The following PTPRN2 variants were observed in gnomAD, a reference collection of about 807,000 sequenced individuals.
PTPRN2 encodes the protein receptor-type tyrosine-protein phosphatase N2.
Under a neutral mutation model 118.8 loss-of-function variants are expected in PTPRN2, and 74 were observed. The observed-to-expected ratio is 0.62, with a 90% CI of 0.52 to 0.76. The LOEUF (loss-of-function observed/expected upper bound fraction) is 0.76. Ranked by LOEUF, PTPRN2 falls within the 30% of genes least tolerant of loss-of-function variation. The pLI, the probability that PTPRN2 is intolerant of heterozygous loss-of-function variation, is 0.00. For synonymous variants in PTPRN2, 641 were observed against 608.0 expected (o/e 1.05, Z -0.80); for missense variants, 1,481 against 1,394.4 (o/e 1.06, Z -0.99).
At chr7:158,333,844 G>C (rs560677805) in intron 2 of PTPRN2, among the ~76,000 whole-genome samples, 1 of 127,610 alleles carries the variant, frequency 7.8e-6, no homozygotes, top group Admixed American at 8.1e-5. Flanking sequence ...TCTCACCATA[G>C]AGCTGACACC....
intron 2 of PTPRN2, among the ~76,000 whole-genome samples, chr7:158,340,464 C>A (rs1373453321): frequency 1.8e-5 from 2 of 111,352 alleles, no homozygotes; most frequent in Non-Finnish European, 3.9e-5. Context: ...AGACGTCACT[C>A]ACATCCACAC....
chr7:158,133,145 G>A (rs71543641), intron 9 of PTPRN2, among the ~76,000 whole-genome samples: 1 of 152,218 alleles, frequency 6.6e-6, no homozygotes, highest in Non-Finnish European at 1.5e-5. Context: ...TCCTTCTGAA[G>A]GGCGCCCACG....
chr7:157,634,903 C>T (rs193180367), intron 14 of PTPRN2, among the ~76,000 whole-genome samples: 3 of 152,276 alleles, frequency 2.0e-5, no homozygotes, highest in East Asian at 1.9e-4. Context: ...CCTTGGACAC[C>T]GCGTGTGGGA....
At chr7:158,501,393 G>T (rs1822348728) in intron 1 of PTPRN2, among the ~76,000 whole-genome samples, 1 of 152,238 alleles carries the variant, frequency 6.6e-6, no homozygotes, top group African/African-American at 2.4e-5. Context: ...GGAGGCCCCA[G>T]TGCTCGCATT....
intron 2 of PTPRN2, among the ~76,000 whole-genome samples, chr7:158,345,318 T>C (rs192300560): frequency 3.3e-3 from 500 of 152,330 alleles, no homozygotes; most frequent in Non-Finnish European, 5.3e-3. Context: ...TTGGGTTTTG[T>C]CTTAATTTGG....
At chr7:158,330,997 G>A (rs1586298216) in intron 2 of PTPRN2, among the ~76,000 whole-genome samples, 1 of 123,808 alleles carries the variant, frequency 8.1e-6, no homozygotes, top group Non-Finnish European at 1.7e-5. Flanking sequence ...CATAAGAGCT[G>A]ACACCCGCAG....
intron 3 of PTPRN2, among the ~76,000 whole-genome samples, chr7:158,263,973 A>G (rs1797713134): frequency 6.6e-6 from 1 of 152,220 alleles, no homozygotes; most frequent in Non-Finnish European, 1.5e-5. Flanking sequence ...AACTTCATCT[A>G]GAGCCACTGG....
At position 157,850,379 on chromosome 7, in the gene PTPRN2, C is replaced by T. The variant is rs530091887; in HGVS notation, c.1788+48294G>A. Among the ~76,000 whole-genome samples the T allele has an allele frequency of 1.1e-3, 161 of 151,418 alleles. 1 individual carries two copies. Among genetic ancestry groups the T allele is most frequent in the African/African-American group, 3.8e-3 (156 of 41,186 alleles). ...TCCCAGGTCTCCGAATTTCCATTTC[C>T]GACGTGGGGTGCCTCAGGCTCGTGT... On this transcript the variant is annotated intron_variant, in intron 12 of 22. Coordinates refer to ENST00000389418, the MANE Select transcript of PTPRN2 (RefSeq NM_002847.5).
At chr7:158,182,775 T>C (rs181212307) in intron 5 of PTPRN2, among the ~76,000 whole-genome samples, 2 of 152,362 alleles carry the variant, frequency 1.3e-5, no homozygotes, top group Admixed American at 1.3e-4. Context: ...CAGTTCTTGA[T>C]TAGAATGTTA....
At chr7:157,898,868 G>C in intron 11 of PTPRN2, 131 bp from the exon 12 acceptor site, 1 of 788,570 alleles carries the variant, frequency 1.3e-6, no homozygotes, top group Non-Finnish European at 2.2e-6. Context: ...TAATGGAAGG[G>C]TCATGAACAG....
intron 11 of PTPRN2, among the ~76,000 whole-genome samples, chr7:158,044,849 G>A (rs562509905): frequency 3.3e-5 from 5 of 152,310 alleles, no homozygotes; most frequent in East Asian, 3.9e-4. Context: ...GTCTGCTGCA[G>A]GAGCAACATT....
chr7:157,983,994 C>G (rs1803517463), intron 11 of PTPRN2, among the ~76,000 whole-genome samples: 1 of 152,116 alleles, frequency 6.6e-6, no homozygotes, highest in African/African-American at 2.4e-5. Flanking sequence ...CCGCGAGCAT[C>G]TCTTCCTGAC....
At chr7:157,809,420 G>T (rs62476420) in intron 12 of PTPRN2, among the ~76,000 whole-genome samples, 1 of 152,228 alleles carries the variant, frequency 6.6e-6, no homozygotes, top group African/African-American at 2.4e-5. Context: ...CACCCCCGCC[G>T]TGTGAGCTCC....
intron 2 of PTPRN2, among the ~76,000 whole-genome samples, chr7:158,391,789 C>T (rs569872641): frequency 3.3e-5 from 5 of 152,272 alleles, no homozygotes; most frequent in East Asian, 1.9e-4. Flanking sequence ...TGGTCAGTAC[C>T]GGGGGCGGGG....
intron 5 of PTPRN2, among the ~76,000 whole-genome samples, chr7:158,188,235 C>T (rs1317345741): frequency 1.3e-5 from 1 of 75,852 alleles, no homozygotes. Context: ...GGCCGCCACG[C>T]TTGCCCCGCG....
intron 2 of PTPRN2, among the ~76,000 whole-genome samples, chr7:158,327,137 T>C (rs1181762217): frequency 4.5e-5 from 1 of 22,300 alleles, no homozygotes; most frequent in African/African-American, 1.1e-4. Flanking sequence ...ACATACACAC[T>C]CATATCCACA....
rs560577527 is a variant in PTPRN2 at position 158,434,583 on chromosome 7, T to A, written c.163+55152A>T. Among the ~76,000 whole-genome samples, 159 of 152,356 alleles carry A rather than the reference T, an allele frequency of 1.0e-3. 3 individuals are homozygous for A. The highest frequency in any genetic ancestry group is 2.2e-4 in the Non-Finnish European group (15 of 68,030). On this transcript the variant is annotated intron_variant, in intron 2 of 22. Transcript: ENST00000389418. ...GGTGGTCCCTTGCAAGCAGTGTGGTTTTGTTTTTTAGTGACAATCTTTAAT... is the reference window on the plus strand; with the variant it reads ...GGTGGTCCCTTGCAAGCAGTGTGGTATTGTTTTTTAGTGACAATCTTTAAT...
intron 6 of PTPRN2, among the ~76,000 whole-genome samples, chr7:158,159,634 A>C (rs971391650): frequency 4.0e-5 from 6 of 149,724 alleles, no homozygotes; most frequent in African/African-American, 1.4e-4. Flanking sequence ...ATGAGCAAGG[A>C]TTACAACAGT....
intron 3 of PTPRN2, among the ~76,000 whole-genome samples, chr7:158,289,938 T>C (rs1800004407): frequency 6.6e-6 from 1 of 152,126 alleles, no homozygotes; most frequent in African/African-American, 2.4e-5. Context: ...GGTTAGCAGG[T>C]GAGTGAGCCT....
Sources: gnomAD v4.1 joint callset for allele counts (sites outside exome capture counted in the v4.1 genomes callset) on GRCh38, gnomAD v4.1.1 for gene constraint, MANE v1.5 for transcripts, NCBI Gene and HGNC (gene_info 2026-07-23, HGNC 2026-07-21) for gene names.